Variants in ANHX observed in about 807,000 individuals in gnomAD.
The protein encoded by ANHX is anomalous homeobox.
In ANHX, 20 loss-of-function variants were observed where a neutral mutation model predicts 38.9. That is an observed-to-expected ratio of 0.51 (90% CI 0.36 to 0.75). The LOEUF (loss-of-function observed/expected upper bound fraction) is 0.75, where lower values mean the gene tolerates loss of function less well. Among genes scored for constraint, ANHX ranks in the 30% least tolerant of loss-of-function variants. ANHX has a pLI of 0.00. For synonymous variants in ANHX, 185 were observed against 203.1 expected, an observed-to-expected ratio of 0.91 and a Z score of 0.76; for missense variants, 475 against 493.1, an observed-to-expected ratio of 0.96 and a Z score of 0.35.
chr12:133,229,606 C>T (rs1957239209), intron 3 of ANHX, among the ~76,000 whole-genome samples: 1 of 152,156 alleles, frequency 6.6e-6, no homozygotes, highest in African/African-American at 2.4e-5. Context: ...CTCCACTTTC[C>T]CCAGCCACGA....
intron 7 of ANHX, among the ~76,000 whole-genome samples, chr12:133,224,414 C>T (rs1957154959): frequency 6.6e-6 from 1 of 152,116 alleles, no homozygotes; most frequent in African/African-American, 2.4e-5. Flanking sequence ...GTAATCCCAG[C>T]ATTTTGGGAG....
In ANHX at chr12:133,234,376, A is replaced by G. The variant is rs932816220; in HGVS notation, c.-20T>C. On this transcript the variant is annotated splice_region_variant and 5_prime_UTR_variant, in exon 2 of 10. Transcript: ENST00000545940. The stretch of plus-strand genomic sequence containing the variant: ...CTGCATCCTGTGCTGGGTCGTGGCC[A>G]CTCTGCCAACACAAACAGTCACAAG... 7.2e-6 allele frequency: 11 copies of G among 1,524,716 alleles called. No individual in the cohort carries two copies. Among genetic ancestry groups the G allele is most frequent in the African/African-American group, 2.7e-5 (2 of 72,946 alleles). The allele number at this position is 1,524,716 out of a possible 1,614,324, so 94.4% of individuals were successfully genotyped here. A position where few individuals can be genotyped will look rare whatever the true frequency, so the allele number is the denominator to read the frequency against.
intron 4 of ANHX, 75 bp downstream of exon 4, chr12:133,227,749 G>A (rs1160273540): frequency 1.3e-6 from 2 of 1,502,862 alleles, no homozygotes; most frequent in Non-Finnish European, 1.8e-6. Context: ...AGGAGCCTGG[G>A]GTGGGGGTAC....
chr12:133,222,489 C>A (rs1021135091), intron 7 of ANHX, among the ~76,000 whole-genome samples: 2 of 152,180 alleles, frequency 1.3e-5, no homozygotes, highest in African/African-American at 4.8e-5. Context: ...AACATCCCCC[C>A]TCACTTGAGC....
chr12:133,229,801 A>G (rs1957242842), intron 3 of ANHX, among the ~76,000 whole-genome samples: 1 of 152,264 alleles, frequency 6.6e-6, no homozygotes, highest in South Asian at 2.1e-4. Context: ...GCTGCTCATC[A>G]GCCTCTAAGG....
chr12:133,234,479 T>A, intron 1 of ANHX, 101 bp from the exon 2 acceptor site: 4 of 1,331,070 alleles, frequency 3.0e-6, no homozygotes, highest in Non-Finnish European at 4.0e-6. Context: ...GCACGGCTCT[T>A]GTGCCGTGGA....
chr12:133,218,945 A>G lies in ANHX; in HGVS notation c.1392T>C (p.Ser464=), dbSNP rs1957071531. ...TCCTGGCTCCCCAGAAGGCATCACC[A>G]GAGGCCTGGCTATCAGAACACTGCA... ...SQVQCSDSQA[S]GDAFWGARML... The change falls in exon 10 of 10, where the codon TCT becomes TCC. Residue 464 remains serine (S), a synonymous_variant. Coordinates refer to ENST00000545940, the MANE Select transcript of ANHX (RefSeq NM_001372060.1). 2 of 1,534,482 alleles carry G rather than the reference A, an allele frequency of 1.3e-6. No homozygotes were observed. Among genetic ancestry groups the G allele is most frequent in the Non-Finnish European group, 1.7e-6 (2 of 1,145,782 alleles).
rs1247220129 is a variant in ANHX at position 133,218,418 on chromosome 12, T to C, written c.*467A>G. The C allele has an allele frequency of 6.5e-6, 1 of 153,620 alleles. No homozygotes were observed. Among genetic ancestry groups the C allele is most frequent in the Non-Finnish European group, 1.4e-5 (1 of 69,106 alleles). 9.5% of individuals were successfully genotyped at this position (153,620 alleles called of 1,614,324 possible). A position where few individuals can be genotyped will look rare whatever the true frequency, so the allele number is the denominator to read the frequency against. ...ACCCTACTCTGCCCTGCCTAGGCCATTCGCAGACAGGTTTGCCTCCCAGTA... is the reference window on the plus strand; with the variant it reads ...ACCCTACTCTGCCCTGCCTAGGCCACTCGCAGACAGGTTTGCCTCCCAGTA... On this transcript the variant is annotated 3_prime_UTR_variant, in exon 10 of 10. Coordinates refer to ENST00000545940, the MANE Select transcript of ANHX (RefSeq NM_001372060.1).
intron 1 of ANHX, 155 bp from the exon 2 acceptor site, chr12:133,234,533 G>GC: frequency 1.2e-6 from 1 of 807,160 alleles, no homozygotes; most frequent in Non-Finnish European, 1.9e-6. Flanking sequence ...CCGAGAGAGG[G>GC]CAGCACCATA....
Position 133,231,605 on chromosome 12 carries a change from G to A in ANHX, c.289C>T (p.Leu97Phe). Residue 97 changes from leucine (L) to phenylalanine (F), a missense_variant, in exon 3 of 10, where the codon CTC (leucine) becomes TTC (phenylalanine). Leu to Phe is a conservative substitution (Grantham distance 22). Coordinates refer to ENST00000545940, the MANE Select transcript of ANHX (RefSeq NM_001372060.1). ...VPGGSQELVQ[L>F]WNDIHYRLVM... Reference sequence around the variant, plus strand: ...AGACGGTAGTGGATGTCGTTCCAGAGCTGCACTAACTCCTGGCTGCCTCCC... The same window carrying A: ...AGACGGTAGTGGATGTCGTTCCAGAACTGCACTAACTCCTGGCTGCCTCCC... The A allele has an allele frequency of 6.5e-7, 1 of 1,536,110 alleles. No individual in the cohort carries two copies.
chr12:133,232,148 CA>C (rs1284117447), intron 2 of ANHX, among the ~76,000 whole-genome samples: 8 of 125,056 alleles, frequency 6.4e-5, no homozygotes, highest in Non-Finnish European at 1.4e-4. Flanking sequence ...TGTCTCCCAG[CA>C]GCAGTGCTGG....
At chr12:133,234,518 ACAT>A in intron 1 of ANHX, 140 bp from the exon 2 acceptor site, 1 of 928,912 alleles carries the variant, frequency 1.1e-6, no homozygotes, top group South Asian at 1.7e-5. Flanking sequence ...AAGACCTCAC[ACAT>A]CCCGAGAGAG....
chr12:133,228,947 A>G (rs1284405442), intron 3 of ANHX, among the ~76,000 whole-genome samples: 1 of 151,798 alleles, frequency 6.6e-6, no homozygotes, highest in East Asian at 1.9e-4. Flanking sequence ...TTGCCACTAA[A>G]AGCACTTGCC....
chr12:133,234,094 T>G lies in ANHX; in HGVS notation c.249+14A>C. The G allele has an allele frequency of 6.5e-7, 1 of 1,534,778 alleles. No homozygotes were observed. Among genetic ancestry groups the G allele is most frequent in the Non-Finnish European group, 8.7e-7 (1 of 1,146,680 alleles). Reference sequence around the variant, plus strand: ...TACCTCTCTCTGTACCCTACCCCTGTAGCCCAGGCCTACCTCCAGGAGGCG... The same window carrying G: ...TACCTCTCTCTGTACCCTACCCCTGGAGCCCAGGCCTACCTCCAGGAGGCG... On this transcript the variant is annotated intron_variant, in intron 2 of 9. Transcript: ENST00000545940.
chr12:133,227,853 C>T lies in ANHX; in HGVS notation c.472G>A (p.Val158Met), dbSNP rs1957210265. The T allele has an allele frequency of 1.3e-6, 2 of 1,535,210 alleles. No individual in the cohort carries two copies. Among genetic ancestry groups the T allele is most frequent in the Non-Finnish European group, 1.7e-6 (2 of 1,146,654 alleles). ...REKLHNFAVG[V>M]NTNPSKAERE... Reference sequence around the variant, plus strand: ...TCAGCCTTGCTGGGGTTGGTGTTCACCCCCACAGCGAAATTGTGCAGCTTC... The same window carrying T: ...TCAGCCTTGCTGGGGTTGGTGTTCATCCCCACAGCGAAATTGTGCAGCTTC... Residue 158 changes from valine to methionine, a missense_variant, in exon 4 of 10, where the codon GTG (valine) becomes ATG (methionine). Physicochemically the swap from Val to Met is conservative, Grantham distance 21. Coordinates refer to ENST00000545940, the MANE Select transcript of ANHX (RefSeq NM_001372060.1).
intron 2 of ANHX, among the ~76,000 whole-genome samples, chr12:133,232,829 G>T (rs1301028094): frequency 6.6e-6 from 1 of 152,172 alleles, no homozygotes; most frequent in African/African-American, 2.4e-5. Context: ...TAGGTTCTAG[G>T]TGTCGTGCTG....
At chr12:133,231,038 C>T (rs1460338823) in intron 3 of ANHX, among the ~76,000 whole-genome samples, 3 of 152,198 alleles carry the variant, frequency 2.0e-5, no homozygotes, top group African/African-American at 7.2e-5. Context: ...AACATTCTCA[C>T]CCTTAACTCT....
rs890990385 is a variant in ANHX at position 133,231,542 on chromosome 12, C to A, written c.352G>T (p.Val118Leu). 4.6e-6 allele frequency: 7 copies of A among 1,535,968 alleles called. No homozygotes were observed. Among genetic ancestry groups the A allele is most frequent in the African/African-American group, 2.7e-5 (2 of 73,052 alleles). Residue 118 changes from valine (V) to leucine (L), a missense_variant, in exon 3 of 10, where the codon GTG becomes TTG. Coordinates refer to ENST00000545940, the MANE Select transcript of ANHX (RefSeq NM_001372060.1). ...RRLGVAALTP[V>L]QKFRCRKRNP... is the part of the protein sequence containing the mutation. The stretch of plus-strand genomic sequence containing the variant: ...CTCTTCCTGCAGCGGAACTTCTGCA[C>A]CGGGGTGAGCGCAGCCACGCCCAGC...
intron 3 of ANHX, among the ~76,000 whole-genome samples, chr12:133,230,800 C>T (rs921009898): frequency 4.6e-5 from 7 of 152,012 alleles, no homozygotes; most frequent in African/African-American, 1.7e-4. Flanking sequence ...AGTGTCTGGG[C>T]TAGCGTCCTG....
Sources: allele counts gnomAD v4.1 joint callset (sites outside exome capture counted in the v4.1 genomes callset), GRCh38; gene constraint gnomAD v4.1.1; transcripts MANE v1.5; gene names NCBI Gene and HGNC (gene_info 2026-07-23, HGNC 2026-07-21).